Variants in ELAVL2 observed in about 807,000 individuals in gnomAD.
ELAVL2 encodes the protein ELAV like RNA binding protein 2.
In ELAVL2, 4 loss-of-function variants were observed where a neutral mutation model predicts 34.6. The observed-to-expected ratio is 0.12, with a 90% CI of 0.06 to 0.26. ELAVL2 has a LOEUF of 0.26. ELAVL2 is among the 10% of genes least tolerant of loss of function. The pLI, the probability that ELAVL2 is intolerant of heterozygous loss-of-function variation, is 1.00. For synonymous variants in ELAVL2, 193 were observed against 154.8 expected, an observed-to-expected ratio of 1.25 and a Z score of -1.83; for missense variants, 432 against 442.8, an observed-to-expected ratio of 0.98 and a Z score of 0.22.
chr9:23,815,409 C>T (rs892648512), intron 1 of ELAVL2, among the ~76,000 whole-genome samples: 2 of 152,032 alleles, frequency 1.3e-5, no homozygotes, highest in African/African-American at 4.8e-5. Context: ...CCAAATCCTC[C>T]CTGCAGTCTG....
chr9:23,749,817 T>TC (rs1196107692), intron 2 of ELAVL2, among the ~76,000 whole-genome samples: 1 of 152,068 alleles, frequency 6.6e-6, no homozygotes, highest in African/African-American at 2.4e-5. Flanking sequence ...GATAGAGGTT[T>TC]CTATGTGTGG....
rs372576559 is a variant in ELAVL2 at position 23,692,569 on chromosome 9, C to T, written c.1068G>A (p.Thr356=). 2.9e-5 allele frequency: 46 copies of T among 1,612,026 alleles called. No homozygotes were observed. The highest frequency in any genetic ancestry group is 1.6e-4 in the South Asian group (15 of 90,996). Residue 356 remains threonine (T), a synonymous_variant, in exon 7 of 7, where the codon ACG becomes ACA. Coordinates refer to ENST00000397312, the MANE Select transcript of ELAVL2 (RefSeq NM_004432.5). The stretch of plus-strand genomic sequence containing the variant: ...GGACAAGAGCTCATTAGGCTTTGTG[C>T]GTTTTGTTTGTCTTAAAGGAGACCT... ...VLQVSFKTNK[T]HKA
intron 1 of ELAVL2, among the ~76,000 whole-genome samples, chr9:23,808,200 T>A (rs1221386341): frequency 1.3e-5 from 2 of 149,190 alleles, no homozygotes; most frequent in African/African-American, 4.9e-5. Flanking sequence ...ACAAATGATC[T>A]TCACTAATCA....
intron 1 of ELAVL2, among the ~76,000 whole-genome samples, chr9:23,783,260 G>A (rs1471432612): frequency 6.6e-6 from 1 of 152,110 alleles, no homozygotes; most frequent in African/African-American, 2.4e-5. Context: ...ATTAAAAACA[G>A]CCAAAGAGAA....
At chr9:23,793,800 T>A (rs1010150020) in intron 1 of ELAVL2, among the ~76,000 whole-genome samples, 1 of 152,098 alleles carries the variant, frequency 6.6e-6, no homozygotes, top group Non-Finnish European at 1.5e-5. Flanking sequence ...ACCTCCAAAC[T>A]TTTATAACTA....
At chr9:23,850,308 G>C in the ELAVL2 span, among the ~76,000 whole-genome samples, 14 of 151,006 alleles carry the variant, frequency 9.3e-5, no homozygotes, top group African/African-American at 2.7e-4. Context: ...AACTGCAGGA[G>C]AGGAAAGCCC....
intron 5 of ELAVL2, among the ~76,000 whole-genome samples, chr9:23,693,980 T>G (rs948307538): frequency 2.0e-5 from 3 of 152,200 alleles, no homozygotes; most frequent in Non-Finnish European, 4.4e-5. Context: ...CATTTTCCTT[T>G]CATTTCCCAA....
chr9:23,800,589 A>G (rs1035467989), intron 1 of ELAVL2, among the ~76,000 whole-genome samples: 1 of 152,196 alleles, frequency 6.6e-6, no homozygotes, highest in Non-Finnish European at 1.5e-5. Flanking sequence ...CTTTCAAAGA[A>G]CATAGGTCAT....
chr9:23,700,915 C>G (rs958388086), intron 5 of ELAVL2, among the ~76,000 whole-genome samples: 4 of 151,386 alleles, frequency 2.6e-5, no homozygotes, highest in African/African-American at 9.7e-5. Flanking sequence ...GCCCTGGAAA[C>G]AATTCAGATA....
At chr9:23,776,661 G>A (rs1014772779) in intron 1 of ELAVL2, among the ~76,000 whole-genome samples, 25 of 143,632 alleles carry the variant, frequency 1.7e-4, no homozygotes, top group Non-Finnish European at 3.3e-4. Context: ...GAAGTCAAAC[G>A]CACACAAGGA....
intron 4 of ELAVL2, 58 bp from the exon 5 acceptor site, chr9:23,701,662 G>A (rs1169779290): frequency 3.2e-6 from 5 of 1,544,454 alleles, no homozygotes. Context: ...AAGGGAAGGA[G>A]AGAAGAAAGG....
chr9:23,771,389 G>A (rs2057279288), intron 1 of ELAVL2, among the ~76,000 whole-genome samples: 1 of 151,942 alleles, frequency 6.6e-6, no homozygotes, highest in Non-Finnish European at 1.5e-5. Flanking sequence ...AGATTTTATG[G>A]ACAGTTGTGC....
At chr9:23,741,567 C>T (rs1324309194) in intron 2 of ELAVL2, among the ~76,000 whole-genome samples, 3 of 152,218 alleles carry the variant, frequency 2.0e-5, no homozygotes, top group South Asian at 4.1e-4. Context: ...TGCTTATCTA[C>T]TTAGGCTCTT....
At chr9:23,818,222 A>G (rs1012376823) in intron 1 of ELAVL2, among the ~76,000 whole-genome samples, 5 of 152,230 alleles carry the variant, frequency 3.3e-5, no homozygotes, top group African/African-American at 9.6e-5. Flanking sequence ...TGGCATCACT[A>G]GACATAAAGC....
chr9:23,716,836 C>T (rs1224389849), intron 3 of ELAVL2, among the ~76,000 whole-genome samples: 1 of 152,184 alleles, frequency 6.6e-6, no homozygotes, highest in South Asian at 2.1e-4. Context: ...GGCTTCCATA[C>T]TGAATGATGA....
intron 1 of ELAVL2, among the ~76,000 whole-genome samples, chr9:23,818,019 A>G (rs987347668): frequency 1.3e-5 from 2 of 152,220 alleles, no homozygotes; most frequent in African/African-American, 4.8e-5. Flanking sequence ...TCTCGAACCA[A>G]ATAAATATAC....
chr9:23,783,412 T>A, intron 1 of ELAVL2: 1 of 982,638 alleles, frequency 1.0e-6, no homozygotes, highest in Non-Finnish European at 1.2e-6. Context: ...ACATGTAACT[T>A]CAGAGAGCAT....
chr9:23,773,665 A>G (rs1204426122), intron 1 of ELAVL2, among the ~76,000 whole-genome samples: 1 of 152,230 alleles, frequency 6.6e-6, no homozygotes, highest in African/African-American at 2.4e-5. Context: ...ATACGCAATT[A>G]CAGGCTACAT....
intron 1 of ELAVL2, chr9:23,765,201 C>A (rs1000845540): frequency 1.9e-6 from 2 of 1,051,810 alleles, no homozygotes; most frequent in Non-Finnish European, 2.8e-6. Context: ...ATTCCCAGCA[C>A]GTCCATGCAG....
Sources: allele counts gnomAD v4.1 joint callset (sites outside exome capture counted in the v4.1 genomes callset), GRCh38; gene constraint gnomAD v4.1.1; transcripts MANE v1.5; gene names NCBI Gene and HGNC (gene_info 2026-07-23, HGNC 2026-07-21).